The following UNC5C variants were observed in gnomAD, a reference collection of about 807,000 sequenced individuals.
UNC5C encodes unc-5 netrin receptor C.
In UNC5C, 47 loss-of-function variants were observed where a neutral mutation model predicts 99.8. The observed-to-expected ratio is 0.47, with a 90% CI of 0.37 to 0.60. The LOEUF (loss-of-function observed/expected upper bound fraction) is 0.60, where lower values mean the gene tolerates loss of function less well. Ranked by LOEUF, UNC5C falls within the 20% of genes least tolerant of loss-of-function variation. The probability of loss-of-function intolerance (pLI) is 0.00; values close to 1 mark genes in which losing one functional copy is unlikely to be tolerated. For synonymous variants in UNC5C, 487 were observed against 452.2 expected (o/e 1.08, Z -0.98); for missense variants, 1,062 against 1,165.9 (o/e 0.91, Z 1.30).
At chr4:95,237,160 A>G (rs1739151022) in intron 7 of UNC5C, among the ~76,000 whole-genome samples, 1 of 152,082 alleles carries the variant, frequency 6.6e-6, no homozygotes, top group South Asian at 2.1e-4. Flanking sequence ...TTGTTTTTAA[A>G]AATATTTTTG....
At position 95,250,564 on chromosome 4, in the gene UNC5C, T is replaced by C; in HGVS notation, c.698A>G (p.Asp233Gly). Residue 233 changes from aspartate to glycine, a missense_variant, in exon 5 of 16, where the codon GAT becomes GGT. Asp to Gly is a moderately conservative substitution (Grantham distance 94, BLOSUM62 -1). Transcript: ENST00000453304. ...GGCAACACAGGTGTAATTTGCAGTA[T>C]CAGAGAGTCGGGCCTGCTTTATGAT... ...NLIIKQARLS[D>G]TANYTCVAKN... 1 of 1,614,064 alleles carries C rather than the reference T, an allele frequency of 6.2e-7. No individual in the cohort carries two copies. The highest frequency in any genetic ancestry group is 8.5e-7 in the Non-Finnish European group (1 of 1,179,990).
intron 1 of UNC5C, among the ~76,000 whole-genome samples, chr4:95,385,496 A>T (rs905265803): frequency 6.6e-6 from 1 of 152,242 alleles, no homozygotes; most frequent in African/African-American, 2.4e-5. Context: ...TTATTCCAAG[A>T]TTCTACAATT....
At position 95,170,161 on chromosome 4, in the gene UNC5C, G is replaced by T; in HGVS notation, c.2623C>A (p.Leu875Met). The T allele has an allele frequency of 6.2e-7, 1 of 1,614,072 alleles. No individual in the cohort carries two copies. Among genetic ancestry groups the T allele is most frequent in the Non-Finnish European group, 8.5e-7 (1 of 1,179,976 alleles). The change falls in exon 15 of 16, where the codon CTG becomes ATG. Residue 875 changes from leucine (L) to methionine (M), a missense_variant. Physicochemically the swap from Leu to Met is conservative, Grantham distance 15. Around this residue, in one of 3 missense-constraint regions of UNC5C, gnomAD observed 810 missense variants for 854.5 expected, o/e 0.95. Coordinates refer to ENST00000453304, the MANE Select transcript of UNC5C (RefSeq NM_003728.4). ...GGGCCAGACCATACCCACCTGTCCA[G>T]GTTCAGCTTATGGGCCAGCATCCTC... Reference protein sequence around the residue: ...DWRMLAHKLNLDRYLNYFATK... With the variant: ...DWRMLAHKLNMDRYLNYFATK...
chr4:95,294,744 T>G (rs1212327299), intron 3 of UNC5C, among the ~76,000 whole-genome samples: 1 of 152,232 alleles, frequency 6.6e-6, no homozygotes, highest in East Asian at 1.9e-4. Flanking sequence ...TTGCTCAGTA[T>G]TGATGTTTCA....
intron 1 of UNC5C, among the ~76,000 whole-genome samples, chr4:95,390,803 T>G (rs1745334458): frequency 6.6e-6 from 1 of 152,158 alleles, no homozygotes; most frequent in African/African-American, 2.4e-5. Flanking sequence ...CATGGCTCAC[T>G]GCAAGCTCAA....
At chr4:95,355,487 T>C (rs1744147963) in intron 1 of UNC5C, among the ~76,000 whole-genome samples, 1 of 152,118 alleles carries the variant, frequency 6.6e-6, no homozygotes, top group Non-Finnish European at 1.5e-5. Flanking sequence ...CTCCAGCAAG[T>C]CATTCTGGGC....
At chr4:95,299,923 G>A (rs1013455263) in intron 3 of UNC5C, among the ~76,000 whole-genome samples, 3 of 152,132 alleles carry the variant, frequency 2.0e-5, no homozygotes, top group African/African-American at 7.2e-5. Flanking sequence ...GGGAGGAAGG[G>A]CTGGAATAGA....
chr4:95,211,917 C>T (rs750706630), intron 10 of UNC5C, among the ~76,000 whole-genome samples: 4 of 152,138 alleles, frequency 2.6e-5, no homozygotes, highest in Non-Finnish European at 5.9e-5. Flanking sequence ...TCACTAACTC[C>T]CACTGTTAGC....
At chr4:95,512,898 TGTA>T (rs1334147533) in intron 1 of UNC5C, among the ~76,000 whole-genome samples, 2 of 152,162 alleles carry the variant, frequency 1.3e-5, no homozygotes, top group African/African-American at 4.8e-5. Flanking sequence ...AATCCAGTAA[TGTA>T]GTAAATATTT....
chr4:95,198,044 G>A (rs1023361723), intron 12 of UNC5C, among the ~76,000 whole-genome samples: 26 of 146,328 alleles, frequency 1.8e-4, no homozygotes, highest in Non-Finnish European at 3.3e-4. Flanking sequence ...CTGGAGTGCC[G>A]TGGTGCGATC....
chr4:95,281,601 AT>A (rs1010504217), intron 3 of UNC5C, among the ~76,000 whole-genome samples: 25 of 152,310 alleles, frequency 1.6e-4, no homozygotes, highest in Middle Eastern at 3.4e-3. Context: ...TAAATATATC[AT>A]ACCTTGAAGA....
rs370716481 is a variant in UNC5C, at chr4:95,431,811, A to G, written c.125-96180T>C. Among the ~76,000 whole-genome samples the G allele has an allele frequency of 9.9e-5, 15 of 152,210 alleles. 1 individual carries two copies. The highest frequency in any genetic ancestry group is 3.6e-4 in the African/African-American group (15 of 41,558). ...CCCCAATTTAATAGACAATGCTGAA[A>G]CACAGGGGACTTAAGACATTCCTGA... On this transcript the variant is annotated intron_variant, in intron 1 of 15. Transcript: ENST00000453304.
chr4:95,166,716 A>T lies in UNC5C; in HGVS notation c.*2518T>A, dbSNP rs1472215434. 2.6e-5 allele frequency: 4 copies of T among 152,000 alleles called. No homozygotes were observed. The highest frequency in any genetic ancestry group is 2.6e-4 in the Admixed American group (4 of 15,254). The allele number at this position is 152,000 out of a possible 1,614,324, so 9.4% of individuals were successfully genotyped here. A position where few individuals can be genotyped will look rare whatever the true frequency, so the allele number is the denominator to read the frequency against. On this transcript the variant is annotated 3_prime_UTR_variant, in exon 16 of 16. Coordinates refer to ENST00000453304, the MANE Select transcript of UNC5C (RefSeq NM_003728.4). ...CTTGATTTCCATAGATGATTCCACA[A>T]CCCTGGTACTGATGCGTAATCTTGA...
chr4:95,369,323 G>A (rs1226581611), intron 1 of UNC5C, among the ~76,000 whole-genome samples: 1 of 151,944 alleles, frequency 6.6e-6, no homozygotes, highest in South Asian at 2.1e-4. Context: ...GGCTGAGGTG[G>A]GCAGATCACT....
chr4:95,245,059 A>G lies in UNC5C; in HGVS notation c.861T>C (p.Cys287=), dbSNP rs528086036. 13 of 1,614,112 alleles carry G rather than the reference A, an allele frequency of 8.1e-6. No individual in the cohort carries two copies. The African/African-American group carries it at 1.5e-4, about 18-fold the overall frequency. The change falls in exon 6 of 16, where the codon TGT becomes TGC. Residue 287 remains cysteine, a synonymous_variant. Transcript: ENST00000453304. The part of the protein sequence containing the change: ...GRGYQKRTRT[C]TNPAPLNGGA... ...CCCCATTGAGTGGTGCCGGGTTGGT[A>G]CAAGTCCTTGTACGTTTCTGATACC... is the stretch of plus-strand genomic sequence containing the variant.
rs116195923 is a variant in UNC5C, at chr4:95,265,117, T to G, written c.594+13142A>C. Among the ~76,000 whole-genome samples, 1,241 of 152,276 alleles carry G rather than the reference T, an allele frequency of 8.1e-3. 25 individuals are homozygous for G. The highest frequency in any genetic ancestry group is 0.066 in the South Asian group (319 of 4,816). ...AGAATCAGTGTAAAAACTCCTCAGG[T>G]GACCTCAATGTGCAGCCAGGTTTGA... On this transcript the variant is annotated intron_variant, in intron 4 of 15. Transcript: ENST00000453304.
At chr4:95,448,125 C>T (rs934601550) in intron 1 of UNC5C, among the ~76,000 whole-genome samples, 1 of 151,380 alleles carries the variant, frequency 6.6e-6, no homozygotes, top group Non-Finnish European at 1.5e-5. Flanking sequence ...CCTGATATGT[C>T]AGGGCGGGGC....
At chr4:95,238,383 G>C (rs903044165) in intron 7 of UNC5C, among the ~76,000 whole-genome samples, 1 of 151,968 alleles carries the variant, frequency 6.6e-6, no homozygotes, top group Non-Finnish European at 1.5e-5. Context: ...CTATAACAGT[G>C]GAATCAAGGA....
At chr4:95,367,816 T>C (rs943098852) in intron 1 of UNC5C, among the ~76,000 whole-genome samples, 5 of 152,336 alleles carry the variant, frequency 3.3e-5, no homozygotes, top group East Asian at 1.9e-4. Context: ...CTACCATACT[T>C]AGCCCATTGT....
Sources: gnomAD v4.1 joint callset for allele counts (sites outside exome capture counted in the v4.1 genomes callset) on GRCh38, gnomAD v4.1.1 for gene constraint, gnomAD v4.1.1 regional missense constraint, MANE v1.5 for transcripts, NCBI Gene and HGNC (gene_info 2026-07-23, HGNC 2026-07-21) for gene names.